The following NUP188 variants were observed in gnomAD, a reference collection of about 807,000 sequenced individuals.
The protein encoded by NUP188 is nucleoporin 188, also known as nucleoporin NUP188.
NUP188 carries 97 observed loss-of-function variants against 223.0 expected under a neutral mutation model. The ratio of observed to expected loss-of-function variants is 0.43; its 90% CI spans 0.37 to 0.51. The LOEUF (loss-of-function observed/expected upper bound fraction) is 0.51. Among genes scored for constraint, NUP188 ranks in the 20% least tolerant of loss-of-function variants. NUP188 has a pLI of 0.00. For missense variants in NUP188, 1,947 were observed against 2,175.6 expected, an observed-to-expected ratio of 0.89 and a Z score of 2.09; for synonymous variants, 869 against 828.0, an observed-to-expected ratio of 1.05 and a Z score of -0.85.
intron 27 of NUP188, 130 bp downstream of exon 27, chr9:128,993,824 G>C: frequency 1.3e-6 from 1 of 754,674 alleles, no homozygotes; most frequent in South Asian, 1.8e-5. Flanking sequence ...TCAATACCTG[G>C]GAGTTTTACA....
intron 8 of NUP188, 96 bp downstream of exon 8, chr9:128,959,230 A>C: frequency 1.1e-6 from 1 of 888,484 alleles, no homozygotes; most frequent in Non-Finnish European, 1.6e-6. Flanking sequence ...ATCTCGGCTC[A>C]CTGCAACCTC....
intron 23 of NUP188, 93 bp from the exon 24 acceptor site, chr9:128,987,954 G>C (rs578255517): frequency 7.0e-7 from 1 of 1,431,916 alleles, no homozygotes; most frequent in African/African-American, 1.4e-5. Context: ...TTGAACTCTG[G>C]GATTATTGTT....
At chr9:128,998,063 C>T (rs1842561637) in intron 30 of NUP188, 88 bp from the exon 31 acceptor site, 1 of 893,492 alleles carries the variant, frequency 1.1e-6, no homozygotes, top group Non-Finnish European at 1.9e-6. Context: ...TTACCAATGA[C>T]TAATTGCCTA....
intron 12 of NUP188, 42 bp from the exon 13 acceptor site, chr9:128,979,220 A>G: frequency 2.1e-6 from 3 of 1,407,942 alleles, no homozygotes; most frequent in Non-Finnish European, 3.0e-6. Context: ...AGACTGGTTC[A>G]GCTAGGGAAA....
intron 8 of NUP188, among the ~76,000 whole-genome samples, chr9:128,967,910 GTGGGTGTACTC>G (rs893645643): frequency 6.6e-4 from 100 of 152,266 alleles, no homozygotes; most frequent in South Asian, 2.9e-3. Flanking sequence ...GCAGTGAGCT[GTGGGTGTACTC>G]TGGGTGTACT....
In NUP188 at chr9:129,001,617, C is replaced by A; in HGVS notation, c.3932C>A (p.Pro1311His). ...TGGCTGCAGGTAACCCGCAGGCTCC[C>A]CATCCTACCCACCCTCCTCACCACT... Reference protein sequence around the residue: ...DSWLQVTRRLPILPTLLTTLE... With the variant: ...DSWLQVTRRLHILPTLLTTLE... Residue 1311 changes from proline (P) to histidine (H), a missense_variant, in exon 35 of 44, where the codon CCC (proline) becomes CAC (histidine). Pro to His is a moderately conservative substitution (Grantham distance 77). Around this residue, in one of 3 missense-constraint regions of NUP188, gnomAD observed 905 missense variants for 990.6 expected, o/e 0.91. Transcript: ENST00000372577. The A allele has an allele frequency of 6.2e-7, 1 of 1,613,986 alleles. No homozygotes were observed. The highest frequency in any genetic ancestry group is 8.5e-7 in the Non-Finnish European group (1 of 1,179,992).
intron 3 of NUP188, among the ~76,000 whole-genome samples, chr9:128,954,529 C>T (rs949812348): frequency 1.7e-4 from 26 of 151,778 alleles, no homozygotes; most frequent in Admixed American, 1.4e-3. Context: ...GGACTACAGG[C>T]GCCCGCCACC....
intron 13 of NUP188, 46 bp downstream of exon 13, chr9:128,979,373 A>G: frequency 7.1e-7 from 1 of 1,399,290 alleles, no homozygotes; most frequent in Non-Finnish European, 1.0e-6. Flanking sequence ...GAATTGTTCA[A>G]ACACTTGTTT....
chr9:129,002,567 T>C (rs1462832275), intron 36 of NUP188, among the ~76,000 whole-genome samples: 1 of 152,246 alleles, frequency 6.6e-6, no homozygotes, highest in Non-Finnish European at 1.5e-5. Flanking sequence ...GGCAGTGACA[T>C]GTCCAGGTTC....
At chr9:128,990,557 C>G (rs367877914) in intron 25 of NUP188, among the ~76,000 whole-genome samples, 1 of 151,946 alleles carries the variant, frequency 6.6e-6, no homozygotes, top group South Asian at 2.1e-4. Context: ...GAAACCCTAT[C>G]TCTCCTAAAA....
rs182183695 is a variant in NUP188, at chr9:128,998,896, G to A, written c.3515+273G>A. Among the ~76,000 whole-genome samples, 206 of 137,474 alleles carry A rather than the reference G, an allele frequency of 1.5e-3. 1 individual carries two copies. Among genetic ancestry groups the A allele is most frequent in the African/African-American group, 4.9e-3 (180 of 36,984 alleles). The allele number at this position is 137,474 out of a possible 152,430, so 90.2% of individuals were successfully genotyped here. ...TTTTGAGACGGAGTCTCACTCTGTC[G>A]CCCAGGCTGGAGTGCAGTGGCGCGA... On this transcript the variant is annotated intron_variant, in intron 32 of 43. Coordinates refer to ENST00000372577, the MANE Select transcript of NUP188 (RefSeq NM_015354.3).
In NUP188 at chr9:128,986,888, T is replaced by C. The variant is rs377144038; in HGVS notation, c.2264+13T>C. ...ACCTGCACAGCAGGTAATGAAGGGT[T>C]GATTACTAGAGCTTGGTGCTCGCCA... On this transcript the variant is annotated intron_variant, in intron 22 of 43. Transcript: ENST00000372577. The C allele has an allele frequency of 3.1e-6, 5 of 1,612,186 alleles. No homozygotes were observed. The African/African-American group carries it at 6.7e-5, about 22-fold the overall frequency.
rs1489297853 is a variant in NUP188 at position 128,947,761 on chromosome 9, G to C, written c.32+10G>C. The C allele has an allele frequency of 1.4e-6, 2 of 1,442,574 alleles. No individual in the cohort carries two copies. The highest frequency in any genetic ancestry group is 1.8e-6 in the Non-Finnish European group (2 of 1,099,896). 89.4% of individuals were successfully genotyped at this position (1,442,574 alleles called of 1,614,324 possible). A position where few individuals can be genotyped will look rare whatever the true frequency, so the allele number is the denominator to read the frequency against. On this transcript the variant is annotated intron_variant, in intron 1 of 43. Coordinates refer to ENST00000372577, the MANE Select transcript of NUP188 (RefSeq NM_015354.3). ...GCGGGCCGTGTGTGAGGTGCGGAGC[G>C]GGTCGAATGGACCGGGGTGGCTGTG...
intron 8 of NUP188, among the ~76,000 whole-genome samples, chr9:128,964,536 AT>A (rs61518157): frequency 0.35 from 42,469 of 122,730 alleles, 6,786 homozygotes; most frequent in Admixed American, 0.41. Context: ...TAATTTTTGT[AT>A]TTTTTTTTTT....
At chr9:128,984,009 A>G (rs1044429603) in intron 19 of NUP188, among the ~76,000 whole-genome samples, 1 of 151,548 alleles carries the variant, frequency 6.6e-6, no homozygotes, top group Admixed American at 6.6e-5. Flanking sequence ...TTTAATAGAG[A>G]CGAGGTCTTA....
chr9:128,970,680 G>T, intron 10 of NUP188, 78 bp from the exon 11 acceptor site: 19 of 1,220,650 alleles, frequency 1.6e-5, no homozygotes, highest in East Asian at 1.2e-4. Flanking sequence ...CTTGCTTATT[G>T]AGCGTGATGA....
Position 128,952,469 on chromosome 9 carries a change from T to C in NUP188, c.88-304T>C, listed in dbSNP as rs139283372. ...CGGGTGCCTTGGCTCACGCCTGTAATCCCAGCACTTTGGGAGGCCAAGGCA... is the reference window on the plus strand; with the variant it reads ...CGGGTGCCTTGGCTCACGCCTGTAACCCCAGCACTTTGGGAGGCCAAGGCA... On this transcript the variant is annotated intron_variant, in intron 2 of 43. Coordinates refer to ENST00000372577, the MANE Select transcript of NUP188 (RefSeq NM_015354.3). 3.7e-3 allele frequency among the ~76,000 whole-genome samples: 555 copies of C among 150,616 alleles called. 11 individuals carry two copies. Among genetic ancestry groups the C allele is most frequent in the African/African-American group, 0.013 (516 of 40,980 alleles).
intron 32 of NUP188, 23 bp from the exon 33 acceptor site, chr9:128,999,149 G>A: frequency 4.3e-6 from 7 of 1,611,536 alleles, no homozygotes; most frequent in Non-Finnish European, 5.9e-6. Flanking sequence ...CACCACGCCT[G>A]GCCCACCCAG....
intron 34 of NUP188, among the ~76,000 whole-genome samples, chr9:129,000,085 A>G (rs566622461): frequency 2.6e-5 from 4 of 152,340 alleles, no homozygotes; most frequent in South Asian, 4.1e-4. Flanking sequence ...GGGCAAATGC[A>G]GGATCCGAAG....
Sources: gnomAD v4.1 joint callset for allele counts (sites outside exome capture counted in the v4.1 genomes callset) on GRCh38, gnomAD v4.1.1 for gene constraint, gnomAD v4.1.1 regional missense constraint, MANE v1.5 for transcripts, NCBI Gene and HGNC (gene_info 2026-07-23, HGNC 2026-07-21) for gene names.